RIMS2: variants seen among roughly 807,000 people sequenced by gnomAD.
RIMS2 encodes regulating synaptic membrane exocytosis 2, also known as regulating synaptic membrane exocytosis protein 2.
Under a neutral mutation model 174.4 loss-of-function variants are expected in RIMS2, and 59 were observed. The observed-to-expected ratio is 0.34, with a 90% CI of 0.27 to 0.42. The LOEUF is 0.42. Among genes scored for constraint, RIMS2 ranks in the 10% least tolerant of loss-of-function variants. The pLI, the probability that RIMS2 is intolerant of heterozygous loss-of-function variation, is 1.00. For synonymous variants in RIMS2, 606 were observed against 572.5 expected (o/e 1.06, Z -0.84); for missense variants, 1,620 against 1,666.3 (o/e 0.97, Z 0.48).
At chr8:103,984,067 G>A (rs904743124) in intron 16 of RIMS2, among the ~76,000 whole-genome samples, 2 of 152,048 alleles carry the variant, frequency 1.3e-5, no homozygotes, top group Non-Finnish European at 2.9e-5. Flanking sequence ...CCAGCTACTC[G>A]GAAGGCTGAG....
At chr8:103,655,718 G>C (rs1005772448) in intron 1 of RIMS2, among the ~76,000 whole-genome samples, 1 of 152,158 alleles carries the variant, frequency 6.6e-6, no homozygotes, top group East Asian at 1.9e-4. Flanking sequence ...CATGATATGT[G>C]AGAGTCTTTA....
intron 1 of RIMS2, among the ~76,000 whole-genome samples, chr8:103,578,444 T>C (rs2093396527): frequency 6.6e-6 from 1 of 151,910 alleles, no homozygotes; most frequent in Non-Finnish European, 1.5e-5. Context: ...GACGGGAGAA[T>C]CATTTGAGCC....
chr8:104,124,340 A>G (rs1326229303), intron 19 of RIMS2, among the ~76,000 whole-genome samples: 1 of 152,146 alleles, frequency 6.6e-6, no homozygotes. Flanking sequence ...ATATAACCAT[A>G]AAAATCTTTT....
intron 19 of RIMS2, among the ~76,000 whole-genome samples, chr8:104,168,386 T>G (rs1353475849): frequency 1.3e-5 from 2 of 152,172 alleles, no homozygotes; most frequent in African/African-American, 4.8e-5. Flanking sequence ...ACTTCCTTGG[T>G]TAAGTATATT....
In RIMS2 at chr8:103,966,887, T is replaced by C. The variant is rs1448954258; in HGVS notation, c.2770+5754T>C. On this transcript the variant is annotated intron_variant, in intron 15 of 23. Transcript: ENST00000504942. ...TCTTGACCCATGTGTTATTTAGAAA[T>C]ATATTATTGGGTTTTGCAGTTATCT... Among the ~76,000 whole-genome samples, 3 of 151,968 alleles carry C rather than the reference T, an allele frequency of 2.0e-5. No homozygotes were observed. In the East Asian group the frequency reaches 5.8e-4, roughly 29 times the overall value.
exon 2 of RIMS2, chr8:103,697,114 A>G: frequency 6.2e-7 from 1 of 1,613,454 alleles, no homozygotes; most frequent in Non-Finnish European, 8.5e-7. Context: ...TGAAATGTAT[A>G]AAGAGCAGGT....
intron 1 of RIMS2, among the ~76,000 whole-genome samples, chr8:103,574,012 T>A (rs967385127): frequency 6.6e-6 from 1 of 152,168 alleles, no homozygotes; most frequent in Non-Finnish European, 1.5e-5. Context: ...ATTGTATTTA[T>A]TTGTTTCAGG....
chr8:104,012,491 C>A (rs1395664337), intron 17 of RIMS2, among the ~76,000 whole-genome samples: 2 of 151,766 alleles, frequency 1.3e-5, no homozygotes, highest in Non-Finnish European at 2.9e-5. Context: ...ATTATATAAG[C>A]ATTTCCATTT....
At chr8:103,609,690 G>A (rs974742424) in intron 1 of RIMS2, among the ~76,000 whole-genome samples, 1 of 151,862 alleles carries the variant, frequency 6.6e-6, no homozygotes, top group African/African-American at 2.4e-5. Context: ...CTGTTCCATT[G>A]GCCTATGTGT....
intron 4 of RIMS2, among the ~76,000 whole-genome samples, chr8:103,887,110 A>G (rs1304193754): frequency 3.9e-5 from 6 of 151,900 alleles, no homozygotes; most frequent in Non-Finnish European, 5.9e-5. Flanking sequence ...ATCTTTGCCA[A>G]TTGAATAGCC....
At position 103,673,932 on chromosome 8, in the gene RIMS2, G is replaced by T. The variant is rs77271217; in HGVS notation, c.177-23154G>T. Among the ~76,000 whole-genome samples the T allele has an allele frequency of 5.0e-3, 764 of 152,284 alleles. 8 individuals are homozygous for T. Among genetic ancestry groups the T allele is most frequent in the African/African-American group, 0.017 (725 of 41,550 alleles). ...GATTATTCTTTGGTCCCACATGTGA[G>T]TATAGGTTGTTAGAAGCAGGGAGGC... On this transcript the variant is annotated intron_variant, in intron 1 of 23. Transcript: ENST00000504942.
intron 1 of RIMS2, among the ~76,000 whole-genome samples, chr8:103,620,769 T>C (rs2095616181): frequency 6.6e-6 from 1 of 152,202 alleles, no homozygotes; most frequent in South Asian, 2.1e-4. Context: ...TTAAATAATT[T>C]ATGTAGAAAG....
In RIMS2 at chr8:103,936,537, G is replaced by GT. The variant is rs752651146; in HGVS notation, c.2376-7dup. ...GTTCTATGTAAGTTCATAATTCATT[G>GT]TTTTTTTCCATAGTGATAAAAACAA... On this transcript the variant is annotated splice_polypyrimidine_tract_variant and intron_variant, in intron 12 of 23. Coordinates refer to ENST00000504942, the Ensembl canonical transcript of RIMS2. The GT allele has an allele frequency of 6.6e-6, 10 of 1,507,012 alleles. No individual in the cohort carries two copies. In the East Asian group the frequency reaches 7.2e-5, roughly 11 times the overall value. 93.4% of individuals were successfully genotyped at this position (1,507,012 alleles called of 1,614,324 possible).
intron 3 of RIMS2, among the ~76,000 whole-genome samples, chr8:103,833,228 A>C (rs1328350405): frequency 1.3e-5 from 2 of 152,130 alleles, no homozygotes. Flanking sequence ...TCGTGATGAC[A>C]AGTCGTTGGC....
intron 19 of RIMS2, among the ~76,000 whole-genome samples, chr8:104,211,086 C>T (rs1014513516): frequency 1.3e-5 from 2 of 152,120 alleles, no homozygotes; most frequent in Non-Finnish European, 2.9e-5. Flanking sequence ...TATTTTATTA[C>T]ATTAACTCAA....
At chr8:103,794,020 TAG>T (rs1416908044) in intron 3 of RIMS2, among the ~76,000 whole-genome samples, 2 of 152,128 alleles carry the variant, frequency 1.3e-5, no homozygotes, top group South Asian at 2.1e-4. Flanking sequence ...AGGTAATTTA[TAG>T]ATTCAATGCC....
chr8:103,652,812 A>C lies in RIMS2; in HGVS notation c.177-44274A>C, dbSNP rs56773931. ...GTCCTTGAAATAGTATGCCCTCAGA[A>C]AGGAAAATTGTTCGGTTAGGGTTTG... is the stretch of plus-strand genomic sequence containing the variant. On this transcript the variant is annotated intron_variant, in intron 1 of 23. Coordinates refer to ENST00000504942, the Ensembl canonical transcript of RIMS2. 0.016 allele frequency: 10,391 copies of C among 650,748 alleles called. 780 individuals carry two copies. In the African/African-American group the frequency reaches 0.17, roughly 10 times the overall value. 40.3% of individuals were successfully genotyped at this position (650,748 alleles called of 1,614,324 possible). A position where few individuals can be genotyped will look rare whatever the true frequency, so the allele number is the denominator to read the frequency against.
At chr8:103,564,983 T>C (rs1232545456) in intron 1 of RIMS2, among the ~76,000 whole-genome samples, 1 of 152,232 alleles carries the variant, frequency 6.6e-6, no homozygotes, top group Admixed American at 6.5e-5. Flanking sequence ...CACAGCTCTA[T>C]CTTCAGCTTT....
chr8:104,037,356 A>C (rs2096537879), intron 19 of RIMS2, among the ~76,000 whole-genome samples: 1 of 152,178 alleles, frequency 6.6e-6, no homozygotes, highest in African/African-American at 2.4e-5. Flanking sequence ...TAGAATCTTC[A>C]TGCTTCTGTT....
Sources: gnomAD v4.1 joint callset for allele counts (sites outside exome capture counted in the v4.1 genomes callset) on GRCh38, gnomAD v4.1.1 for gene constraint, MANE v1.5 for transcripts, NCBI Gene and HGNC (gene_info 2026-07-23, HGNC 2026-07-21) for gene names.